The following TMEM236 variants were observed in gnomAD, a reference collection of about 807,000 sequenced individuals.
The protein encoded by TMEM236 is transmembrane protein 236.
Under a neutral mutation model 14.7 loss-of-function variants are expected in TMEM236, and 11 were observed. That is an observed-to-expected ratio of 0.75 (90% confidence interval 0.47 to 1.24). The LOEUF is 1.24. TMEM236 is among the 50% of genes most tolerant of loss of function. TMEM236 has a pLI of 0.00. For synonymous variants in TMEM236, 182 were observed against 168.6 expected (o/e 1.08, Z -0.62); for missense variants, 464 against 427.3 (o/e 1.09, Z -0.76).
intron 1 of TMEM236, among the ~76,000 whole-genome samples, chr10:17,762,584 T>TATATATATATATATATATATACATATAC (rs1837384459): frequency 1.6e-5 from 1 of 61,238 alleles, no homozygotes; most frequent in African/African-American, 1.3e-4. Context: ...CATATATATA[T>TATATATATATATATATATATACATATAC]ATATATATAT....
chr10:17,769,063 A>G (rs1837525378), intron 1 of TMEM236, among the ~76,000 whole-genome samples: 1 of 152,074 alleles, frequency 6.6e-6, no homozygotes, highest in African/African-American at 2.4e-5. Context: ...TTAACCAATA[A>G]CCCCTTCCTT....
At chr10:17,781,813 G>T (rs1837756181) in intron 3 of TMEM236, among the ~76,000 whole-genome samples, 1 of 151,592 alleles carries the variant, frequency 6.6e-6, no homozygotes, top group East Asian at 1.9e-4. Flanking sequence ...GTGTGTTTGG[G>T]AGAAGGGAGA....
rs1241240604 is a variant in TMEM236, at chr10:17,797,911, T to G, written c.*1407T>G. 1 of 152,276 alleles carries G rather than the reference T, an allele frequency of 6.6e-6. No homozygotes were observed. The highest frequency in any genetic ancestry group is 1.5e-5 in the Non-Finnish European group (1 of 68,064). 9.4% of individuals were successfully genotyped at this position (152,276 alleles called of 1,614,324 possible). A position where few individuals can be genotyped will look rare whatever the true frequency, so the allele number is the denominator to read the frequency against. On this transcript the variant is annotated 3_prime_UTR_variant, in exon 4 of 4. Transcript: ENST00000377495. ...AGAATATTTTATTTGTGGAATTTGA[T>G]ACTTTGATAAATAATCAAAGTACAA...
At chr10:17,756,107 A>G (rs1837280439) in intron 1 of TMEM236, among the ~76,000 whole-genome samples, 1 of 152,148 alleles carries the variant, frequency 6.6e-6, no homozygotes, top group Admixed American at 6.5e-5. Context: ...TCTCTACAAA[A>G]CATTACAAAA....
chr10:17,768,086 G>GTTTTTTTTTTTTTTTTTTT lies in TMEM236; in HGVS notation c.258-3219_258-3201dup. 1.5e-3 allele frequency among the ~76,000 whole-genome samples: 141 copies of GTTTTTTTTTTTTTTTTTTT among 92,000 alleles called. 3 individuals carry two copies. Among genetic ancestry groups the GTTTTTTTTTTTTTTTTTTT allele is most frequent in the Middle Eastern group, 6.5e-3 (1 of 154 alleles). The allele number at this position is 92,000 out of a possible 152,430, so 60.4% of individuals were successfully genotyped here. A position where few individuals can be genotyped will look rare whatever the true frequency, so the allele number is the denominator to read the frequency against. On this transcript the variant is annotated intron_variant, in intron 1 of 3. Coordinates refer to ENST00000377495, the MANE Select transcript of TMEM236 (RefSeq NM_001098844.3). ...CCACCACACCTCGCTAATTTTTGTGGTTTTTTTTTTTTTTTTTTTTTTGTA... is the reference window on the plus strand; with the variant it reads ...CCACCACACCTCGCTAATTTTTGTGGTTTTTTTTTTTTTTTTTTTTTTTTTTTTTTTTTTTTTTTTTGTA...
chr10:17,786,027 C>G (rs1213534805), intron 3 of TMEM236, among the ~76,000 whole-genome samples: 1 of 152,094 alleles, frequency 6.6e-6, no homozygotes, highest in African/African-American at 2.4e-5. Context: ...TGAAAGCTCC[C>G]TTTGATCTTG....
chr10:17,767,621 T>C (rs151197862), intron 1 of TMEM236, among the ~76,000 whole-genome samples: 12,708 of 150,670 alleles, frequency 0.084, 572 homozygotes, highest in African/African-American at 0.11. Flanking sequence ...TGTTGGACAT[T>C]CTCTAGCATC....
At chr10:17,753,676 CTT>C (rs1379929650) in intron 1 of TMEM236, among the ~76,000 whole-genome samples, 1 of 152,162 alleles carries the variant, frequency 6.6e-6, no homozygotes, top group Admixed American at 6.5e-5. Flanking sequence ...GGTTTCCTGT[CTT>C]TGCCATTGTG....
Position 17,779,026 on chromosome 10 carries a change from C to A in TMEM236, c.472+2856C>A, listed in dbSNP as rs2436682. On this transcript the variant is annotated intron_variant, in intron 3 of 3. Transcript: ENST00000377495. Reference sequence around the variant, plus strand: ...TTCTGACGCGTGGATCTCTGTAGCACGGCAGTCTCACAGATGTACGTGGTA... The same window carrying A: ...TTCTGACGCGTGGATCTCTGTAGCAAGGCAGTCTCACAGATGTACGTGGTA... 3.9e-5 allele frequency among the ~76,000 whole-genome samples: 6 copies of A among 152,018 alleles called. No individual in the cohort carries two copies. In the South Asian group the frequency reaches 1.0e-3, roughly 26 times the overall value.
At position 17,775,905 on chromosome 10, in the gene TMEM236, C is replaced by T. The variant is rs961383308; in HGVS notation, c.331-124C>T. On this transcript the variant is annotated intron_variant, in intron 2 of 3. Transcript: ENST00000377495. ...ATTTAAAACCTGATGAGTTAAAAAC[C>T]AACCTTCTAGTTTTTTAGTAAATGT... 591 of 1,305,808 alleles carry T rather than the reference C, an allele frequency of 4.5e-4. 3 individuals are homozygous for T. The African/African-American group carries it at 5.6e-3, about 12-fold the overall frequency. The allele number at this position is 1,305,808 out of a possible 1,614,324, so 80.9% of individuals were successfully genotyped here.
At chr10:17,769,166 T>A (rs1385613408) in intron 1 of TMEM236, among the ~76,000 whole-genome samples, 2 of 152,156 alleles carry the variant, frequency 1.3e-5, no homozygotes, top group Non-Finnish European at 1.5e-5. Flanking sequence ...TAGGCAAGAA[T>A]AGAACCACCA....
At chr10:17,757,922 C>T (rs1434539250) in intron 1 of TMEM236, among the ~76,000 whole-genome samples, 1 of 151,984 alleles carries the variant, frequency 6.6e-6, no homozygotes, top group African/African-American at 2.4e-5. Context: ...GTGTGCGCCA[C>T]CACGCCTGGC....
At chr10:17,753,096 G>GT (rs1837232828) in intron 1 of TMEM236, among the ~76,000 whole-genome samples, 1 of 152,010 alleles carries the variant, frequency 6.6e-6, no homozygotes, top group African/African-American at 2.4e-5. Flanking sequence ...GGGTTTTCAT[G>GT]TTAGCCAGGC....
chr10:17,778,490 A>G (rs2131754903), intron 3 of TMEM236, among the ~76,000 whole-genome samples: 1 of 152,360 alleles, frequency 6.6e-6, no homozygotes, highest in African/African-American at 2.4e-5. Flanking sequence ...AAATACATAA[A>G]TCTGAACCTA....
At position 17,768,085 on chromosome 10, in the gene TMEM236, G is replaced by GTTTTTT. The variant is rs1181734908; in HGVS notation, c.258-3224_258-3223insTTTTTT. ...ACCACCACACCTCGCTAATTTTTGT[G>GTTTTTT]GTTTTTTTTTTTTTTTTTTTTTTGT... On this transcript the variant is annotated intron_variant, in intron 1 of 3. Coordinates refer to ENST00000377495, the MANE Select transcript of TMEM236 (RefSeq NM_001098844.3). Among the ~76,000 whole-genome samples, 218 of 98,774 alleles carry GTTTTTT rather than the reference G, an allele frequency of 2.2e-3. 30 individuals are homozygous for GTTTTTT. The highest frequency in any genetic ancestry group is 6.1e-3 in the South Asian group (20 of 3,302). The allele number at this position is 98,774 out of a possible 152,430, so 64.8% of individuals were successfully genotyped here. A position where few individuals can be genotyped will look rare whatever the true frequency, so the allele number is the denominator to read the frequency against.
intron 1 of TMEM236, among the ~76,000 whole-genome samples, chr10:17,770,169 T>G (rs992808718): frequency 6.6e-6 from 1 of 152,192 alleles, no homozygotes; most frequent in Non-Finnish European, 1.5e-5. Context: ...CATGATTTCA[T>G]TCTTTTTTAT....
rs972470021 is a variant in TMEM236, at chr10:17,796,811, C to T, written c.*307C>T. Reference sequence around the variant, plus strand: ...CTGGACCATGGTCCCAGTACTGGTCCGTGATCTGTTAGCAAGCAGACCGCA... The same window carrying T: ...CTGGACCATGGTCCCAGTACTGGTCTGTGATCTGTTAGCAAGCAGACCGCA... On this transcript the variant is annotated 3_prime_UTR_variant, in exon 4 of 4. Coordinates refer to ENST00000377495, the MANE Select transcript of TMEM236 (RefSeq NM_001098844.3). 1.1e-5 allele frequency: 4 copies of T among 373,906 alleles called. No individual in the cohort carries two copies. The highest frequency in any genetic ancestry group is 4.4e-5 in the Admixed American group (1 of 22,776). The allele number at this position is 373,906 out of a possible 1,614,324, so 23.2% of individuals were successfully genotyped here. A position where few individuals can be genotyped will look rare whatever the true frequency, so the allele number is the denominator to read the frequency against.
intron 2 of TMEM236, among the ~76,000 whole-genome samples, chr10:17,774,769 C>T (rs1837631442): frequency 6.6e-6 from 1 of 151,272 alleles, no homozygotes; most frequent in African/African-American, 2.4e-5. Context: ...TTTTTCCTTC[C>T]TTCCTCCCTC....
chr10:17,752,518 A>G lies in TMEM236; in HGVS notation c.223A>G (p.Lys75Glu), dbSNP rs1299441771. ...IWVPVKVILH[K>E]KRYIYRKIKG... ...GGTTCCTGTAAAAGTTATCCTGCAC[A>G]AGAAACGTTATATTTACAGAAAAAT... Residue 75 changes from lysine (K) to glutamate (E), a missense_variant, in exon 1 of 4, where the codon AAG becomes GAG. Lys to Glu is a moderately conservative substitution (Grantham distance 56). Coordinates refer to ENST00000377495, the MANE Select transcript of TMEM236 (RefSeq NM_001098844.3). The G allele has an allele frequency of 1.1e-5, 17 of 1,613,878 alleles. No individual in the cohort carries two copies. The highest frequency in any genetic ancestry group is 9.3e-5 in the African/African-American group (7 of 74,932).
Sources: allele counts gnomAD v4.1 joint callset (sites outside exome capture counted in the v4.1 genomes callset), GRCh38; gene constraint gnomAD v4.1.1; transcripts MANE v1.5; gene names NCBI Gene and HGNC (gene_info 2026-07-23, HGNC 2026-07-21).